The following SNX29 variants were observed in gnomAD, a reference collection of about 807,000 sequenced individuals.
SNX29 encodes the protein sorting nexin 29.
A neutral mutation model predicts 102.1 loss-of-function variants in SNX29; 78 were observed. The observed-to-expected ratio is 0.76, with a 90% CI of 0.64 to 0.92. The LOEUF is 0.92. Among genes scored for constraint, SNX29 ranks in the 40% least tolerant of loss-of-function variants. The probability of loss-of-function intolerance (pLI) is 0.00; values close to 1 mark genes in which losing one functional copy is unlikely to be tolerated. For synonymous variants in SNX29, 580 were observed against 414.5 expected (o/e 1.40, Z -4.85); for missense variants, 1,280 against 1,061.7 (o/e 1.21, Z -2.86).
chr16:12,163,335 G>C (rs1271277097), intron 13 of SNX29, among the ~76,000 whole-genome samples: 1 of 152,170 alleles, frequency 6.6e-6, no homozygotes, highest in Non-Finnish European at 1.5e-5. Context: ...AGGTGGGTGA[G>C]GTGGGGTAGC....
chr16:12,081,691 A>AAAAAG (rs1555456657), intron 11 of SNX29: 7,664 of 87,522 alleles, frequency 0.088, 258 homozygotes, highest in Non-Finnish European at 0.12. Context: ...AAAAAAAAAA[A>AAAAAG]AAAAGAAAAG....
intron 15 of SNX29, among the ~76,000 whole-genome samples, chr16:12,293,974 G>T (rs1203956504): frequency 6.6e-6 from 1 of 152,222 alleles, no homozygotes; most frequent in Non-Finnish European, 1.5e-5. Flanking sequence ...GGAAACTGAG[G>T]TGTGGTGTGC....
chr16:12,081,270 C>T (rs573747337), intron 11 of SNX29: 5 of 152,332 alleles, frequency 3.3e-5, no homozygotes, highest in African/African-American at 7.2e-5. Flanking sequence ...TGCTGGGAAG[C>T]TCTGTAACCA....
chr16:12,571,976 A>G lies in SNX29; in HGVS notation c.*3347A>G, dbSNP rs564840437. Reference sequence around the variant, plus strand: ...GCTCTTACAGTCTATGGTGGTAGCCATCTTCACATCCAGTCACCAGTTGCA... The same window carrying G: ...GCTCTTACAGTCTATGGTGGTAGCCGTCTTCACATCCAGTCACCAGTTGCA... On this transcript the variant is annotated 3_prime_UTR_variant, in exon 21 of 21. Coordinates refer to ENST00000566228, the MANE Select transcript of SNX29 (RefSeq NM_032167.5). 3.4e-5 allele frequency: 36 copies of G among 1,061,656 alleles called. No homozygotes were observed. Among genetic ancestry groups the G allele is most frequent in the Non-Finnish European group, 3.8e-5 (33 of 876,998 alleles). 65.8% of individuals were successfully genotyped at this position (1,061,656 alleles called of 1,614,324 possible).
rs9927994 is a variant in SNX29, at chr16:12,502,786, G to A, written c.2179-21916G>A. On this transcript the variant is annotated intron_variant, in intron 19 of 20. Coordinates refer to ENST00000566228, the MANE Select transcript of SNX29 (RefSeq NM_032167.5). ...AATGGTACCTCCTCCTTTGTCCCCA[G>A]TGGAAAGCAATCACAGGTATTTTCG... Among the ~76,000 whole-genome samples the A allele has an allele frequency of 6.7e-3, 1,018 of 152,266 alleles. 20 individuals are homozygous for A. The highest frequency in any genetic ancestry group is 0.023 in the African/African-American group (973 of 41,532).
intron 8 of SNX29, among the ~76,000 whole-genome samples, chr16:12,060,318 G>A (rs769799362): frequency 3.9e-5 from 6 of 152,166 alleles, no homozygotes; most frequent in South Asian, 2.1e-4. Flanking sequence ...CAGGCTAGGC[G>A]AGGTGTCTTA....
chr16:12,223,724 C>T (rs1012302544), intron 14 of SNX29, among the ~76,000 whole-genome samples: 1 of 152,144 alleles, frequency 6.6e-6, no homozygotes, highest in Admixed American at 6.5e-5. Flanking sequence ...GCTGCTTTGC[C>T]CTGTGGGTGG....
At chr16:12,381,805 G>GTCATCCATCCACCCACCCA (rs2083174483) in intron 16 of SNX29, among the ~76,000 whole-genome samples, 3 of 93,024 alleles carry the variant, frequency 3.2e-5, no homozygotes, top group African/African-American at 1.4e-4. Flanking sequence ...TCTACCATCT[G>GTCATCCATCCACCCACCCA]TCATCCATCC....
intron 18 of SNX29, among the ~76,000 whole-genome samples, chr16:12,452,190 G>C (rs934228164): frequency 6.6e-6 from 1 of 152,224 alleles, no homozygotes; most frequent in African/African-American, 2.4e-5. Flanking sequence ...GCAACTCTGA[G>C]ATAATGCCCT....
intron 20 of SNX29, among the ~76,000 whole-genome samples, chr16:12,542,742 C>T (rs976584120): frequency 2.9e-5 from 4 of 138,724 alleles, no homozygotes; most frequent in African/African-American, 1.1e-4. Flanking sequence ...TGCATATAAG[C>T]ACTAGACTAT....
chr16:12,240,317 G>T (rs997645519), intron 14 of SNX29, among the ~76,000 whole-genome samples: 1 of 152,202 alleles, frequency 6.6e-6, no homozygotes, highest in Non-Finnish European at 1.5e-5. Context: ...GACGCCAGCT[G>T]TGTATGAGTA....
At chr16:12,054,601 A>G (rs560612546) in intron 8 of SNX29, among the ~76,000 whole-genome samples, 13 of 152,206 alleles carry the variant, frequency 8.5e-5, no homozygotes, top group Admixed American at 2.0e-4. Flanking sequence ...GACTCCCACT[A>G]TCTGCTCTCC....
At chr16:12,197,960 C>G (rs1432163246) in intron 13 of SNX29, among the ~76,000 whole-genome samples, 1 of 152,044 alleles carries the variant, frequency 6.6e-6, no homozygotes, top group Admixed American at 6.6e-5. Flanking sequence ...AGACGCTCGG[C>G]ACCAGGGATG....
intron 20 of SNX29, chr16:12,526,897 A>T: frequency 2.5e-6 from 1 of 394,374 alleles, no homozygotes; most frequent in South Asian, 2.6e-5. Flanking sequence ...CATGAATCTC[A>T]GCCATGCTGG....
intron 19 of SNX29, among the ~76,000 whole-genome samples, chr16:12,502,008 C>G (rs1422469609): frequency 1.3e-5 from 2 of 152,136 alleles, no homozygotes; most frequent in Non-Finnish European, 2.9e-5. Context: ...CTCTCTCTGA[C>G]TCATGCAGGT....
chr16:12,212,582 T>G (rs2077215236), intron 14 of SNX29, among the ~76,000 whole-genome samples: 2 of 152,346 alleles, frequency 1.3e-5, no homozygotes, highest in Admixed American at 6.5e-5. Flanking sequence ...TATTTCCATT[T>G]GAGGAGTAAA....
chr16:12,551,544 A>T (rs532240088), intron 20 of SNX29, among the ~76,000 whole-genome samples: 1 of 152,332 alleles, frequency 6.6e-6, no homozygotes, highest in Non-Finnish European at 1.5e-5. Flanking sequence ...GGTAATTCTA[A>T]GGTGCATGCA....
intron 15 of SNX29, among the ~76,000 whole-genome samples, chr16:12,345,741 T>C (rs1190322089): frequency 2.0e-5 from 3 of 152,104 alleles, no homozygotes; most frequent in East Asian, 1.9e-4. Flanking sequence ...AGTGGGAAGG[T>C]GGGGGTGCAG....
chr16:12,544,780 T>C (rs1430188925), intron 20 of SNX29, among the ~76,000 whole-genome samples: 2 of 152,196 alleles, frequency 1.3e-5, no homozygotes, highest in Non-Finnish European at 2.9e-5. Flanking sequence ...GCTGGTAAAC[T>C]GCAGAGCCAG....
Sources: allele counts gnomAD v4.1 joint callset (sites outside exome capture counted in the v4.1 genomes callset), GRCh38; gene constraint gnomAD v4.1.1; transcripts MANE v1.5; gene names NCBI Gene and HGNC (gene_info 2026-07-23, HGNC 2026-07-21).